Variants in SLC7A8 observed in about 807,000 individuals in gnomAD.
The protein encoded by SLC7A8 is large neutral amino acids transporter small subunit 2.
Under a neutral mutation model 51.2 loss-of-function variants are expected in SLC7A8, and 30 were observed. The ratio of observed to expected loss-of-function variants is 0.59; its 90% CI spans 0.44 to 0.80. The LOEUF (loss-of-function observed/expected upper bound fraction) is 0.80, where lower values mean the gene tolerates loss of function less well. Among genes scored for constraint, SLC7A8 ranks in the 30% least tolerant of loss-of-function variants. The pLI is 0.00. For missense variants in SLC7A8, 612 were observed against 674.4 expected (o/e 0.91, Z 1.03); for synonymous variants, 257 against 275.8 (o/e 0.93, Z 0.67).
intron 3 of SLC7A8, among the ~76,000 whole-genome samples, chr14:23,150,516 C>T (rs1015103605): frequency 6.6e-6 from 1 of 152,178 alleles, no homozygotes; most frequent in Non-Finnish European, 1.5e-5. Context: ...GGCCATGGTG[C>T]CCTTCCCAGC....
At chr14:23,155,448 T>A in intron 3 of SLC7A8, 1 of 1,433,210 alleles carries the variant, frequency 7.0e-7, no homozygotes, top group Non-Finnish European at 9.1e-7. Flanking sequence ...GGGTTTCTGC[T>A]GAATCACCAC....
intron 1 of SLC7A8, among the ~76,000 whole-genome samples, chr14:23,177,707 A>G (rs994927963): frequency 6.6e-6 from 1 of 152,222 alleles, no homozygotes; most frequent in Non-Finnish European, 1.5e-5. Context: ...GTGCATGTGC[A>G]GGAATGAATG....
intron 7 of SLC7A8, among the ~76,000 whole-genome samples, chr14:23,136,404 C>T (rs1328736947): frequency 6.6e-6 from 1 of 152,182 alleles, no homozygotes; most frequent in Non-Finnish European, 1.5e-5. Flanking sequence ...CCAGATCCAA[C>T]AGCATTTGCA....
intron 1 of SLC7A8, among the ~76,000 whole-genome samples, chr14:23,170,907 G>C (rs35113644): frequency 0.013 from 2,015 of 151,486 alleles, 33 homozygotes; most frequent in East Asian, 0.026. Context: ...TATGTTTTTC[G>C]ATGGGGGGAG....
chr14:23,133,737 TTGCC>T (rs756540934), intron 7 of SLC7A8, among the ~76,000 whole-genome samples: 1 of 151,898 alleles, frequency 6.6e-6, no homozygotes, highest in Non-Finnish European at 1.5e-5. Flanking sequence ...TGAGGCAGAA[TTGCC>T]TGAACCCGGA....
chr14:23,167,673 G>A (rs2048956780), intron 1 of SLC7A8, among the ~76,000 whole-genome samples: 1 of 152,120 alleles, frequency 6.6e-6, no homozygotes, highest in Admixed American at 6.5e-5. Context: ...TCCATTGAGT[G>A]GGTGCTTTGA....
Position 23,143,161 on chromosome 14 carries a change from G to T in SLC7A8, c.552C>A (p.Thr184=), listed in dbSNP as rs1336759192. ...CAGCTGTGAAGATGTCTTGAACCCG[G>T]GTGGCCCACCGCACACTGGAACAGT... The part of the protein sequence containing the change: ...WVNCSSVRWA[T]RVQDIFTAGK... Residue 184 remains threonine, a synonymous_variant, in exon 4 of 11, where the codon ACC becomes ACA. Coordinates refer to ENST00000316902, the MANE Select transcript of SLC7A8 (RefSeq NM_012244.4). The T allele has an allele frequency of 3.1e-6, 5 of 1,614,060 alleles. No homozygotes were observed. The highest frequency in any genetic ancestry group is 3.3e-5 in the Admixed American group (2 of 60,006).
At chr14:23,138,525 G>A (rs915212196) in intron 6 of SLC7A8, among the ~76,000 whole-genome samples, 51 of 25,144 alleles carry the variant, frequency 2.0e-3, no homozygotes, top group Admixed American at 4.0e-3. Context: ...TGATTTTTGA[G>A]CCTCTGTCTC....
At chr14:23,164,751 G>A (rs1009126087) in intron 3 of SLC7A8, among the ~76,000 whole-genome samples, 2 of 152,168 alleles carry the variant, frequency 1.3e-5, no homozygotes, top group Admixed American at 6.5e-5. Context: ...CAGCACTTTG[G>A]GAGGCCAAGG....
intron 7 of SLC7A8, among the ~76,000 whole-genome samples, chr14:23,135,302 GCTGGTCTCAAACTC>G (rs1594819626): frequency 6.6e-6 from 1 of 151,222 alleles, no homozygotes; most frequent in East Asian, 1.9e-4. Flanking sequence ...TATTGGCTAG[GCTGGTCTCAAACTC>G]CTGACCTTGT....
chr14:23,151,153 G>A (rs745859348), intron 3 of SLC7A8, among the ~76,000 whole-genome samples: 1 of 152,212 alleles, frequency 6.6e-6, no homozygotes, highest in Non-Finnish European at 1.5e-5. Flanking sequence ...AGGCCCCACG[G>A]AGACTGTCCA....
chr14:23,143,331 C>A, intron 3 of SLC7A8, 127 bp from the exon 4 acceptor site: 2 of 1,305,048 alleles, frequency 1.5e-6, no homozygotes, highest in African/African-American at 1.5e-5. Flanking sequence ...AGACATCCAG[C>A]AAGCTCAACC....
intron 8 of SLC7A8, among the ~76,000 whole-genome samples, chr14:23,130,376 G>T (rs1044917630): frequency 2.0e-5 from 3 of 152,120 alleles, no homozygotes; most frequent in African/African-American, 7.2e-5. Flanking sequence ...TCCCTATGAG[G>T]TTTTCTTGAC....
intron 7 of SLC7A8, among the ~76,000 whole-genome samples, chr14:23,137,131 C>T (rs1340831684): frequency 6.6e-6 from 1 of 152,190 alleles, no homozygotes. Context: ...AGTCATTCAA[C>T]ATCTGCTAGC....
chr14:23,140,263 G>A (rs1003693220), intron 5 of SLC7A8, among the ~76,000 whole-genome samples: 1 of 152,216 alleles, frequency 6.6e-6, no homozygotes, highest in African/African-American at 2.4e-5. Flanking sequence ...CTCTGGGAAA[G>A]TCACTGGATC....
At chr14:23,167,978 A>G (rs1385178758) in intron 1 of SLC7A8, among the ~76,000 whole-genome samples, 2 of 152,186 alleles carry the variant, frequency 1.3e-5, no homozygotes, top group Non-Finnish European at 2.9e-5. Flanking sequence ...GCACAGGCTG[A>G]AGTTAGATGC....
At chr14:23,137,785 G>A (rs985872288) in intron 7 of SLC7A8, 136 bp downstream of exon 7, 5 of 1,067,362 alleles carry the variant, frequency 4.7e-6, no homozygotes, top group Admixed American at 2.4e-5. Flanking sequence ...CCTCATGTGA[G>A]CAGTCACCCC....
intron 1 of SLC7A8, among the ~76,000 whole-genome samples, chr14:23,170,886 A>G (rs1209376020): frequency 6.6e-6 from 1 of 150,648 alleles, no homozygotes; most frequent in Non-Finnish European, 1.5e-5. Context: ...CCACTATACA[A>G]AGCTAATTTT....
intron 4 of SLC7A8, among the ~76,000 whole-genome samples, chr14:23,141,896 T>C (rs537490909): frequency 1.6e-4 from 24 of 152,258 alleles, no homozygotes; most frequent in Admixed American, 1.5e-3. Context: ...TTCAATGAGA[T>C]AGAGAGTAAC....
Sources: allele counts gnomAD v4.1 joint callset (sites outside exome capture counted in the v4.1 genomes callset), GRCh38; gene constraint gnomAD v4.1.1; transcripts MANE v1.5; gene names NCBI Gene and HGNC (gene_info 2026-07-23, HGNC 2026-07-21).